DYNC2H1: variants seen among roughly 807,000 people sequenced by gnomAD.
The protein encoded by DYNC2H1 is dynein cytoplasmic 2 heavy chain 1.
Under a neutral mutation model 570.0 loss-of-function variants are expected in DYNC2H1, and 410 were observed. The observed-to-expected ratio is 0.72, with a 90% CI of 0.66 to 0.78. The LOEUF is 0.78. Ranked by LOEUF, DYNC2H1 falls within the 30% of genes least tolerant of loss-of-function variation. The probability of loss-of-function intolerance (pLI) is 0.00; values close to 1 mark genes in which losing one functional copy is unlikely to be tolerated. For synonymous variants in DYNC2H1, 1,688 were observed against 1,677.6 expected (o/e 1.01, Z -0.15); for missense variants, 4,865 against 5,046.4 (o/e 0.96, Z 1.09).
In DYNC2H1 at chr11:103,133,095, T is replaced by C. The variant is rs1859358719; in HGVS notation, c.1954-460T>C. Among the ~76,000 whole-genome samples the C allele has an allele frequency of 6.6e-6, 1 of 152,142 alleles. No homozygotes were observed. The highest frequency in any genetic ancestry group is 2.4e-5 in the African/African-American group (1 of 41,424). On this transcript the variant is annotated intron_variant, in intron 13 of 88. Transcript: ENST00000375735. This position sits in a 1 kb window ranked among gnomAD's most constrained non-coding sequence, Gnocchi z 4.8. ...TTTTCTCCTTGGTGTTAAGCTACAA[T>C]AGGATGTGTATTGCTAAAAATGTTT...
At position 103,235,159 on chromosome 11, in the gene DYNC2H1, A is replaced by G. The variant is rs1473514512; in HGVS notation, c.9568-513A>G. On this transcript the variant is annotated intron_variant, in intron 61 of 88. Transcript: ENST00000375735. ...TTAAATGCTTTCAATGGCTCACGTCACAGTTTAAAATAGAAATTCCTTTGC... is the reference window on the plus strand; with the variant it reads ...TTAAATGCTTTCAATGGCTCACGTCGCAGTTTAAAATAGAAATTCCTTTGC... 3.9e-5 allele frequency among the ~76,000 whole-genome samples: 6 copies of G among 151,922 alleles called. No homozygotes were observed. The East Asian group carries it at 1.2e-3, about 29-fold the overall frequency.
Position 103,241,602 on chromosome 11 carries a change from G to A in DYNC2H1, c.9820-2091G>A, listed in dbSNP as rs1864424497. The A allele has an allele frequency of 5.6e-6, 8 of 1,433,136 alleles. No homozygotes were observed. Among genetic ancestry groups the A allele is most frequent in the Non-Finnish European group, 7.7e-6 (8 of 1,040,034 alleles). 88.8% of individuals were successfully genotyped at this position (1,433,136 alleles called of 1,614,324 possible). On this transcript the variant is annotated intron_variant, in intron 63 of 88. Coordinates refer to ENST00000375735, the MANE Select transcript of DYNC2H1 (RefSeq NM_001377.3). This position sits in a 1 kb window ranked among gnomAD's most constrained non-coding sequence, Gnocchi z 5.1. ...TACTTTTGTAGTTAGGCAAAATGCA[G>A]AATTGTGAAATGTGTGCTATTGAAT...
Position 103,245,374 on chromosome 11 carries a change from G to C in DYNC2H1, c.10042G>C (p.Gly3348Arg). Residue 3348 changes from glycine (G) to arginine (R), a missense_variant and splice_region_variant, in exon 65 of 89, where the codon GGA (glycine) becomes CGA (arginine). Transcript: ENST00000375735. This position sits in a 1 kb window ranked among gnomAD's most constrained non-coding sequence, Gnocchi z 4.5. ...PLLRRDLVAQ[G>R]PRYVVQIGDK... ...ATTGAGACGAGATCTGGTTGCTCAA[G>C]GTAAATAATTGACACTTTCCAGAGT... 6.3e-7 allele frequency: 1 copy of C among 1,580,298 alleles called. No individual in the cohort carries two copies. The highest frequency in any genetic ancestry group is 8.6e-7 in the Non-Finnish European group (1 of 1,163,688).
At chr11:103,366,021 A>G (rs1327924792) in intron 83 of DYNC2H1, among the ~76,000 whole-genome samples, 1 of 152,270 alleles carries the variant, frequency 6.6e-6, no homozygotes, top group Non-Finnish European at 1.5e-5. Context: ...GGCATTAAAC[A>G]TGTTTAAACT....
At chr11:103,336,097 A>G (rs1939108184) in intron 82 of DYNC2H1, among the ~76,000 whole-genome samples, 1 of 152,168 alleles carries the variant, frequency 6.6e-6, no homozygotes, top group Non-Finnish European at 1.5e-5. Flanking sequence ...TGGGGAAAGA[A>G]AAAAGATCTC....
intron 59 of DYNC2H1, among the ~76,000 whole-genome samples, chr11:103,226,382 A>G (rs1197885353): frequency 6.6e-6 from 1 of 152,194 alleles, no homozygotes; most frequent in African/African-American, 2.4e-5. Flanking sequence ...ACCTTAAGGT[A>G]TGTCCCTTCT....
rs1864540278 is a variant in DYNC2H1, at chr11:103,244,669, A to G, written c.9919-582A>G. ...CTATATAGTTATATACATTATAAGT[A>G]CTATATATCTATGGTTATAGTTATA... On this transcript the variant is annotated intron_variant, in intron 64 of 88. Transcript: ENST00000375735. The surrounding 1 kb of genome is among the most constrained non-coding windows in gnomAD (Gnocchi z 4.3). 6.7e-6 allele frequency among the ~76,000 whole-genome samples: 1 copy of G among 148,380 alleles called. No individual in the cohort carries two copies. Among genetic ancestry groups the G allele is most frequent in the Admixed American group, 6.8e-5 (1 of 14,766 alleles).
chr11:103,331,416 A>G (rs1408301672), intron 82 of DYNC2H1, among the ~76,000 whole-genome samples: 2 of 152,134 alleles, frequency 1.3e-5, no homozygotes, highest in Non-Finnish European at 2.9e-5. Flanking sequence ...CCCCTACCCT[A>G]AGTAAAAGGA....
chr11:103,393,201 A>G (rs1268563433), intron 83 of DYNC2H1, among the ~76,000 whole-genome samples: 1 of 152,220 alleles, frequency 6.6e-6, no homozygotes, highest in Non-Finnish European at 1.5e-5. Context: ...AAAATGTAAC[A>G]AAATAACTTT....
At chr11:103,122,723 A>G in intron 10 of DYNC2H1, 102 bp from the exon 11 acceptor site, 1 of 995,192 alleles carries the variant, frequency 1.0e-6, no homozygotes, top group Non-Finnish European at 1.5e-6. Flanking sequence ...GATGAAAGGT[A>G]AAATAATTTC....
rs1217278505 is a variant in DYNC2H1, at chr11:103,133,199, A to G, written c.1954-356A>G. Among the ~76,000 whole-genome samples the G allele has an allele frequency of 6.6e-6, 1 of 152,122 alleles. No homozygotes were observed. Among genetic ancestry groups the G allele is most frequent in the Non-Finnish European group, 1.5e-5 (1 of 68,026 alleles). On this transcript the variant is annotated intron_variant, in intron 13 of 88. Transcript: ENST00000375735. The surrounding 1 kb of genome is among the most constrained non-coding windows in gnomAD (Gnocchi z 4.8). ...TGCCTGTCAGTGGTTCCAGATTGGAATCTTCTCTAGCGCCCTGTCCTGGAT... is the reference window on the plus strand; with the variant it reads ...TGCCTGTCAGTGGTTCCAGATTGGAGTCTTCTCTAGCGCCCTGTCCTGGAT...
chr11:103,311,336 A>C (rs569082147), intron 78 of DYNC2H1, among the ~76,000 whole-genome samples: 2 of 152,294 alleles, frequency 1.3e-5, no homozygotes, highest in South Asian at 4.1e-4. Context: ...TAAAGATTTT[A>C]TACTAGTCTG....
At chr11:103,142,041 C>T (rs1369214872) in intron 17 of DYNC2H1, among the ~76,000 whole-genome samples, 1 of 152,186 alleles carries the variant, frequency 6.6e-6, no homozygotes, top group Non-Finnish European at 1.5e-5. Context: ...CCTGGTGTGC[C>T]ATTTTTGAGG....
chr11:103,271,131 A>C (rs1045008665), intron 70 of DYNC2H1, among the ~76,000 whole-genome samples: 1 of 152,190 alleles, frequency 6.6e-6, no homozygotes, highest in African/African-American at 2.4e-5. Context: ...TTAGTGTGCA[A>C]ATAATTTAAT....
intron 85 of DYNC2H1, among the ~76,000 whole-genome samples, chr11:103,443,579 C>T (rs580156): frequency 0.35 from 53,522 of 151,296 alleles, 10,003 homozygotes; most frequent in African/African-American, 0.47. Flanking sequence ...GAACATAAGA[C>T]TCATAGCTTA....
In DYNC2H1 at chr11:103,222,978, C is replaced by T. The variant is rs771575862; in HGVS notation, c.9245C>T (p.Ala3082Val). The change falls in exon 59 of 89, where the codon GCC becomes GTC. Residue 3082 changes from alanine to valine, a missense_variant. Ala to Val is a moderately conservative substitution (Grantham distance 64). This residue lies in a region of DYNC2H1 where 2,401 missense variants were observed against 2,454.6 expected (regional missense o/e 0.98). Transcript: ENST00000375735. ...TGGATTTTTCAGAATGCTAAGCGTG[C>T]CAGTACTGCAGCTGCACCTTTGGCT... ...GSFDPKNAKR[A>V]STAAAPLAAW... 12 of 1,613,048 alleles carry T rather than the reference C, an allele frequency of 7.4e-6. No individual in the cohort carries two copies. Among genetic ancestry groups the T allele is most frequent in the Non-Finnish European group, 1.0e-5 (12 of 1,179,440 alleles).
At chr11:103,229,380 A>C (rs1173155621) in intron 59 of DYNC2H1, among the ~76,000 whole-genome samples, 2 of 152,124 alleles carry the variant, frequency 1.3e-5, no homozygotes, top group African/African-American at 4.8e-5. Flanking sequence ...CTGTCATCTT[A>C]ATCCTAATTG....
rs1267329548 is a variant in DYNC2H1 at position 103,319,660 on chromosome 11, A to G, written c.11726-1369A>G. On this transcript the variant is annotated intron_variant, in intron 80 of 88. Coordinates refer to ENST00000375735, the MANE Select transcript of DYNC2H1 (RefSeq NM_001377.3). This position sits in a 1 kb window ranked among gnomAD's most constrained non-coding sequence, Gnocchi z 4.3. ...ACATAAAATTTGTTTTGAGAAAAAT[A>G]GGTAGAAAAAAATAAGATTTTCTTA... is the stretch of plus-strand genomic sequence containing the variant. 1.3e-5 allele frequency among the ~76,000 whole-genome samples: 2 copies of G among 152,220 alleles called. No homozygotes were observed. Among genetic ancestry groups the G allele is most frequent in the Non-Finnish European group, 2.9e-5 (2 of 68,018 alleles).
chr11:103,354,230 G>A (rs1485932771), intron 82 of DYNC2H1, among the ~76,000 whole-genome samples: 1 of 148,932 alleles, frequency 6.7e-6, no homozygotes, highest in Non-Finnish European at 1.5e-5. Flanking sequence ...TGTTTGGCCT[G>A]CTGTTTTTTG....
Sources: gnomAD v4.1 joint callset for allele counts (sites outside exome capture counted in the v4.1 genomes callset) on GRCh38, gnomAD v4.1.1 for gene constraint, gnomAD v4.1.1 regional missense constraint, Gnocchi (gnomAD v3.1) non-coding constraint, MANE v1.5 for transcripts, NCBI Gene and HGNC (gene_info 2026-07-23, HGNC 2026-07-21) for gene names.